The following RAD51B variants were observed in gnomAD, a reference collection of about 807,000 sequenced individuals.
The protein encoded by RAD51B is RAD51 paralog B.
A neutral mutation model predicts 42.2 loss-of-function variants in RAD51B; 38 were observed. That is an observed-to-expected ratio of 0.90 (90% CI 0.70 to 1.18). The LOEUF (loss-of-function observed/expected upper bound fraction) is 1.18. Among genes scored for constraint, RAD51B ranks in the 50% most tolerant of loss-of-function variants. The probability of loss-of-function intolerance (pLI) is 0.00; values close to 1 mark genes in which losing one functional copy is unlikely to be tolerated. For missense variants in RAD51B, 373 were observed against 400.7 expected, an observed-to-expected ratio of 0.93 and a Z score of 0.59; for synonymous variants, 154 against 145.2, an observed-to-expected ratio of 1.06 and a Z score of -0.43.
chr14:68,251,093 G>C (rs2080620533), intron 7 of RAD51B, among the ~76,000 whole-genome samples: 4 of 152,180 alleles, frequency 2.6e-5, no homozygotes, highest in African/African-American at 9.6e-5. Context: ...TAGTTGTCAA[G>C]GCCCTGCTGT....
chr14:68,062,531 T>C (rs1452295763), intron 7 of RAD51B, among the ~76,000 whole-genome samples: 1 of 152,066 alleles, frequency 6.6e-6, no homozygotes, highest in Non-Finnish European at 1.5e-5. Context: ...CGGTGGCTCA[T>C]GCCTGTAATC....
intron 4 of RAD51B, among the ~76,000 whole-genome samples, chr14:67,850,822 T>C (rs2041781500): frequency 6.6e-6 from 1 of 152,136 alleles, no homozygotes; most frequent in Non-Finnish European, 1.5e-5. Flanking sequence ...CACAAGCCCC[T>C]TCTAGATAGA....
At chr14:67,919,686 C>T (rs1048590722) in intron 7 of RAD51B, among the ~76,000 whole-genome samples, 7 of 152,244 alleles carry the variant, frequency 4.6e-5, no homozygotes, top group East Asian at 3.9e-4. Flanking sequence ...TGATATGCAC[C>T]GTACACGTTA....
chr14:68,322,527 G>A, intron 8 of RAD51B, among the ~76,000 whole-genome samples: 1 of 152,144 alleles, frequency 6.6e-6, no homozygotes, highest in East Asian at 1.9e-4. Context: ...CTTCTTTTGA[G>A]GAGTGAGGCC....
At chr14:68,426,370 C>T (rs1213354284) in intron 9 of RAD51B, among the ~76,000 whole-genome samples, 1 of 152,012 alleles carries the variant, frequency 6.6e-6, no homozygotes, top group African/African-American at 2.4e-5. Flanking sequence ...GCCACCGGGC[C>T]TGGTCAGTAA....
At chr14:68,573,300 C>T (rs1024046282) in intron 10 of RAD51B, among the ~76,000 whole-genome samples, 9 of 152,118 alleles carry the variant, frequency 5.9e-5, no homozygotes, top group African/African-American at 1.4e-4. Flanking sequence ...TGTGCCCCCT[C>T]GCACTCTCCT....
At chr14:68,081,215 T>C (rs1266461068) in intron 7 of RAD51B, among the ~76,000 whole-genome samples, 1 of 152,242 alleles carries the variant, frequency 6.6e-6, no homozygotes, top group Non-Finnish European at 1.5e-5. Context: ...ATTTGAGTAC[T>C]ATAGAATGTC....
chr14:68,671,172 C>T (rs1893149143), intron 11 of RAD51B, among the ~76,000 whole-genome samples: 1 of 152,190 alleles, frequency 6.6e-6, no homozygotes, highest in Non-Finnish European at 1.5e-5. Flanking sequence ...GCAAACCATC[C>T]ATCCTGGGTT....
chr14:67,923,614 T>C (rs2044406427), intron 7 of RAD51B, among the ~76,000 whole-genome samples: 2 of 152,198 alleles, frequency 1.3e-5, no homozygotes, highest in South Asian at 4.1e-4. Flanking sequence ...TCACATTTTC[T>C]TTATCCACTC....
At chr14:68,471,870 A>T (rs2140241743) in intron 10 of RAD51B, among the ~76,000 whole-genome samples, 1 of 152,170 alleles carries the variant, frequency 6.6e-6, no homozygotes, top group East Asian at 1.9e-4. Flanking sequence ...CTTAGGCCCC[A>T]AAGGAGAGGG....
intron 10 of RAD51B, among the ~76,000 whole-genome samples, chr14:68,530,667 G>C (rs1566928102): frequency 6.6e-6 from 1 of 151,954 alleles, no homozygotes. Context: ...TAGCTTTCAA[G>C]AGCCGATTTA....
intron 8 of RAD51B, among the ~76,000 whole-genome samples, chr14:68,328,777 A>G (rs1400968335): frequency 6.6e-6 from 1 of 152,292 alleles, no homozygotes; most frequent in East Asian, 1.9e-4. Flanking sequence ...GGGGAAGAGG[A>G]GCCTCTGTAA....
chr14:68,353,607 T>G (rs941685792), intron 8 of RAD51B, among the ~76,000 whole-genome samples: 1 of 152,138 alleles, frequency 6.6e-6, no homozygotes, highest in Non-Finnish European at 1.5e-5. Flanking sequence ...CTGAGGAAGG[T>G]GCATTTGCAG....
At chr14:67,923,244 G>A (rs1049194970) in intron 7 of RAD51B, among the ~76,000 whole-genome samples, 3 of 150,846 alleles carry the variant, frequency 2.0e-5, no homozygotes, top group African/African-American at 2.4e-5. Context: ...TGTGTATGGG[G>A]TGTGTGTGTG....
At chr14:68,338,910 T>G in intron 8 of RAD51B, 1 of 654,214 alleles carries the variant, frequency 1.5e-6, no homozygotes. Context: ...CGAGTTAACC[T>G]TTGTGAAGAC....
chr14:67,825,875 A>T (rs1051566619), intron 3 of RAD51B, among the ~76,000 whole-genome samples: 1 of 152,082 alleles, frequency 6.6e-6, no homozygotes, highest in African/African-American at 2.4e-5. Context: ...GATTACAGGC[A>T]CGGTGCTACC....
intron 7 of RAD51B, among the ~76,000 whole-genome samples, chr14:67,891,592 C>T (rs1380898825): frequency 6.6e-6 from 1 of 151,992 alleles, no homozygotes; most frequent in Non-Finnish European, 1.5e-5. Flanking sequence ...TTATTTGAGA[C>T]AAGCACAAAT....
At chr14:68,335,667 T>A (rs1315225007) in intron 8 of RAD51B, among the ~76,000 whole-genome samples, 2 of 152,214 alleles carry the variant, frequency 1.3e-5, no homozygotes, top group Non-Finnish European at 2.9e-5. Flanking sequence ...TCAGGGATCA[T>A]CTAATAGAAT....
chr14:68,477,386 A>G (rs1273943945), intron 10 of RAD51B, among the ~76,000 whole-genome samples: 1 of 152,096 alleles, frequency 6.6e-6, no homozygotes. Flanking sequence ...GCTTCTGTGG[A>G]TGACCTCTTC....
Sources: gnomAD v4.1 joint callset for allele counts (sites outside exome capture counted in the v4.1 genomes callset) on GRCh38, gnomAD v4.1.1 for gene constraint, MANE v1.5 for transcripts, NCBI Gene and HGNC (gene_info 2026-07-23, HGNC 2026-07-21) for gene names.